Variants in INSR observed in about 807,000 individuals in gnomAD.
The protein encoded by INSR is IR.
Under a neutral mutation model 142.6 loss-of-function variants are expected in INSR, and 67 were observed. That is an observed-to-expected ratio of 0.47 (90% CI 0.39 to 0.58). The LOEUF is 0.58. Among genes scored for constraint, INSR ranks in the 20% least tolerant of loss-of-function variants. The pLI is 0.00. For synonymous variants in INSR, 756 were observed against 743.1 expected (o/e 1.02, Z -0.28); for missense variants, 1,248 against 1,833.2 (o/e 0.68, Z 5.83).
intron 2 of INSR, among the ~76,000 whole-genome samples, chr19:7,220,585 G>T (rs3890483): frequency 0.46 from 70,592 of 151,966 alleles, 16,802 homozygotes; most frequent in African/African-American, 0.56. Context: ...CACTGTGCCC[G>T]GCCACGGATC....
chr19:7,250,319 A>G (rs1379802961), intron 2 of INSR, among the ~76,000 whole-genome samples: 1 of 148,900 alleles, frequency 6.7e-6, no homozygotes, highest in Admixed American at 6.7e-5. Context: ...GAGAAAAATG[A>G]AAGGAAGAGA....
At chr19:7,144,074 G>T (rs1217536366) in intron 11 of INSR, among the ~76,000 whole-genome samples, 2 of 150,594 alleles carry the variant, frequency 1.3e-5, no homozygotes, top group Middle Eastern at 3.4e-3. Flanking sequence ...AAAAAGAAAA[G>T]AAAATATAAA....
Position 7,152,994 on chromosome 19 carries a change from CA to C in INSR, c.2030-68del, listed in dbSNP as rs1415457674. On this transcript the variant is annotated intron_variant, in intron 9 of 21. Coordinates refer to ENST00000302850, the MANE Select transcript of INSR (RefSeq NM_000208.4). ...CTGAACACACATACACACACACACA[CA>C]CCCCACACACACACACACCACACAC... 6,841 of 750,124 alleles carry C rather than the reference CA, an allele frequency of 9.1e-3. 51 individuals are homozygous for C. The highest frequency in any genetic ancestry group is 0.011 in the East Asian group (337 of 30,184). The allele number at this position is 750,124 out of a possible 1,614,324, so 46.5% of individuals were successfully genotyped here.
chr19:7,170,165 G>C (rs1324407006), intron 6 of INSR, among the ~76,000 whole-genome samples: 1 of 152,068 alleles, frequency 6.6e-6, no homozygotes, highest in South Asian at 2.1e-4. Context: ...CCTCCTGTCA[G>C]ATTAGCGGCG....
In INSR at chr19:7,294,034, C is replaced by T. The variant is rs1316913146; in HGVS notation, c.-143G>A. On this transcript the variant is annotated 5_prime_UTR_variant, in exon 1 of 22. Coordinates refer to ENST00000302850, the MANE Select transcript of INSR (RefSeq NM_000208.4). ...CCGCGACCCGCGGGCCGCAGCCCCC[C>T]TGCCGGGGAGGGCCCAGAGGCAGCC... 2.1e-6 allele frequency: 2 copies of T among 947,154 alleles called. No homozygotes were observed. The highest frequency in any genetic ancestry group is 3.5e-5 in the African/African-American group (2 of 56,968). 58.7% of individuals were successfully genotyped at this position (947,154 alleles called of 1,614,324 possible). A position where few individuals can be genotyped will look rare whatever the true frequency, so the allele number is the denominator to read the frequency against.
At chr19:7,245,037 G>A (rs147038434) in intron 2 of INSR, among the ~76,000 whole-genome samples, 9 of 145,148 alleles carry the variant, frequency 6.2e-5, no homozygotes, top group East Asian at 2.2e-4. Flanking sequence ...CCAAGTTCAC[G>A]CCATTCTCCT....
intron 10 of INSR, among the ~76,000 whole-genome samples, chr19:7,151,170 TTCTTTCTTTC>T (rs1973340675): frequency 1.4e-4 from 1 of 7,190 alleles, no homozygotes; most frequent in African/African-American, 2.0e-4. Flanking sequence ...TTCTCTTTCT[TTCTTTCTTTC>T]TTTCTTTCTT....
chr19:7,117,329 G>T lies in INSR; in HGVS notation c.3876C>A (p.Asp1292Glu). ...TFLEIVNLLK[D>E]DLHPSFPEVS... ...CCTCTGGAAAGCTGGGGTGCAGGTC[G>T]TCCTTGAGCAGGTTGACAATCTCCA... The change falls in exon 22 of 22, where the codon GAC (aspartate) becomes GAA (glutamate). Residue 1292 changes from aspartate to glutamate, a missense_variant. Physicochemically the swap from Asp to Glu is conservative, Grantham distance 45. This residue lies in a region of INSR where 122 missense variants were observed against 129.8 expected (regional missense o/e 0.94). Coordinates refer to ENST00000302850, the MANE Select transcript of INSR (RefSeq NM_000208.4). 6.2e-7 allele frequency: 1 copy of T among 1,614,144 alleles called. No individual in the cohort carries two copies. Among genetic ancestry groups the T allele is most frequent in the Non-Finnish European group, 8.5e-7 (1 of 1,180,026 alleles).
chr19:7,149,483 C>T (rs533936043), intron 11 of INSR, among the ~76,000 whole-genome samples: 2 of 152,284 alleles, frequency 1.3e-5, no homozygotes, highest in South Asian at 2.1e-4. Flanking sequence ...CTTTTTCTCT[C>T]TCCCAGGACC....
At chr19:7,212,636 A>G (rs1975309704) in intron 2 of INSR, among the ~76,000 whole-genome samples, 1 of 152,006 alleles carries the variant, frequency 6.6e-6, no homozygotes, top group Non-Finnish European at 1.5e-5. Flanking sequence ...CCCAGGCTGG[A>G]GTGCAATGGC....
Position 7,294,157 on chromosome 19 carries a change from T to G in INSR, c.-266A>C. 2 of 174,060 alleles carry G rather than the reference T, an allele frequency of 1.1e-5. No individual in the cohort carries two copies. Among genetic ancestry groups the G allele is most frequent in the African/African-American group, 2.4e-5 (1 of 41,798 alleles). The allele number at this position is 174,060 out of a possible 1,614,324, so 10.8% of individuals were successfully genotyped here. ...CCCGGCCGCTGCGGCCCGGGCCCCG[T>G]CCCAGGATCTCGGGGCCCGGAGCTC... is the stretch of plus-strand genomic sequence containing the variant. On this transcript the variant is annotated 5_prime_UTR_variant, in exon 1 of 22. Transcript: ENST00000302850.
chr19:7,270,093 G>A (rs1474207819), intron 1 of INSR, among the ~76,000 whole-genome samples: 1 of 152,002 alleles, frequency 6.6e-6, no homozygotes, highest in Non-Finnish European at 1.5e-5. Context: ...CTCCCAAGAA[G>A]TGTCCAACAC....
At chr19:7,208,724 G>A (rs1975187157) in intron 2 of INSR, among the ~76,000 whole-genome samples, 1 of 152,170 alleles carries the variant, frequency 6.6e-6, no homozygotes, top group Admixed American at 6.6e-5. Context: ...ACAAAAATTA[G>A]GCTGGGCGCA....
chr19:7,151,162 CTCTT>C (rs1218566297), intron 10 of INSR, among the ~76,000 whole-genome samples: 3,673 of 45,754 alleles, frequency 0.08, 78 homozygotes, highest in Admixed American at 0.098. Context: ...TTCTTTCTTT[CTCTT>C]TCTTTCTTTC....
intron 2 of INSR, among the ~76,000 whole-genome samples, chr19:7,221,881 C>T (rs1008689974): frequency 9.2e-5 from 14 of 152,178 alleles, no homozygotes; most frequent in African/African-American, 3.1e-4. Context: ...ACCCATCTGG[C>T]AGGGCTGTTG....
chr19:7,292,478 G>GT (rs1361686291), intron 1 of INSR, among the ~76,000 whole-genome samples: 1 of 149,092 alleles, frequency 6.7e-6, no homozygotes, highest in South Asian at 2.2e-4. Context: ...GCTGGGGGGG[G>GT]GTGGGCCCGG....
At chr19:7,153,033 C>CAT in intron 9 of INSR, 106 bp from the exon 10 acceptor site, 1 of 491,248 alleles carries the variant, frequency 2.0e-6, no homozygotes, top group South Asian at 2.0e-5. Context: ...ACACCACACA[C>CAT]ACACACACCA....
In INSR at chr19:7,197,058, AG is replaced by A. The variant is rs567304154; in HGVS notation, c.653-12422del. On this transcript the variant is annotated intron_variant, in intron 2 of 21. Transcript: ENST00000302850. ...AATCTAGTAAATGATTTAATGGCAA[AG>A]GGGCAGGGGTTGGGGGCAGCCAAGG... Among the ~76,000 whole-genome samples the A allele has an allele frequency of 9.2e-5, 14 of 152,302 alleles. No homozygotes were observed. The South Asian group carries it at 2.9e-3, about 32-fold the overall frequency.
chr19:7,199,737 C>A (rs1005746314), intron 2 of INSR, among the ~76,000 whole-genome samples: 8 of 150,640 alleles, frequency 5.3e-5, no homozygotes, highest in African/African-American at 2.0e-4. Flanking sequence ...TTTACCTGTT[C>A]CCTACCTCGA....
Sources: gnomAD v4.1 joint callset for allele counts (sites outside exome capture counted in the v4.1 genomes callset) on GRCh38, gnomAD v4.1.1 for gene constraint, gnomAD v4.1.1 regional missense constraint, MANE v1.5 for transcripts, NCBI Gene and HGNC (gene_info 2026-07-23, HGNC 2026-07-21) for gene names.